The following STPG4 variants were observed in gnomAD, a reference collection of about 807,000 sequenced individuals.
STPG4 encodes the protein protein STPG4.
In STPG4, 41 loss-of-function variants were observed where a neutral mutation model predicts 31.5. The observed-to-expected ratio is 1.30, with a 90% CI of 1.01 to 1.69. The LOEUF (loss-of-function observed/expected upper bound fraction) is 1.69, where lower values mean the gene tolerates loss of function less well. STPG4 is among the 40% of genes most tolerant of loss of function. STPG4 has a pLI of 0.00. For missense variants in STPG4, 375 were observed against 293.4 expected (o/e 1.28, Z -2.03); for synonymous variants, 141 against 103.0 (o/e 1.37, Z -2.24).
chr2:47,095,286 C>T (rs2103730640), intron 5 of STPG4, among the ~76,000 whole-genome samples: 1 of 152,312 alleles, frequency 6.6e-6, no homozygotes, highest in South Asian at 2.1e-4. Context: ...CCTCGTCCAA[C>T]ATGGCTGGTG....
intron 3 of STPG4, among the ~76,000 whole-genome samples, chr2:47,138,358 C>T (rs1686639051): frequency 6.6e-6 from 1 of 150,380 alleles, no homozygotes; most frequent in African/African-American, 2.4e-5. Flanking sequence ...TGAGAGCAGA[C>T]ATTGTATAAT....
At chr2:47,140,491 G>A (rs1443843562) in intron 3 of STPG4, among the ~76,000 whole-genome samples, 1 of 152,118 alleles carries the variant, frequency 6.6e-6, no homozygotes. Context: ...CAATTCTTCA[G>A]TTGTAGTTCA....
chr2:47,115,617 G>A (rs1213610239), intron 5 of STPG4, among the ~76,000 whole-genome samples: 4 of 142,672 alleles, frequency 2.8e-5, no homozygotes, highest in Non-Finnish European at 6.1e-5. Flanking sequence ...CCATCCTTCT[G>A]TCTGTTTATC....
At chr2:47,102,099 TCTG>T (rs994324352) in intron 5 of STPG4, among the ~76,000 whole-genome samples, 3 of 151,832 alleles carry the variant, frequency 2.0e-5, no homozygotes, top group African/African-American at 4.9e-5. Context: ...AACTAGTGTT[TCTG>T]CTGCTGCGTC....
chr2:47,098,932 G>A (rs769091588), intron 5 of STPG4, among the ~76,000 whole-genome samples: 6 of 152,138 alleles, frequency 3.9e-5, no homozygotes, highest in Admixed American at 1.3e-4. Context: ...CAAGACAAGG[G>A]GGTCATATAC....
At chr2:47,117,112 C>T (rs1243010577) in intron 5 of STPG4, among the ~76,000 whole-genome samples, 1 of 152,192 alleles carries the variant, frequency 6.6e-6, no homozygotes, top group Non-Finnish European at 1.5e-5. Context: ...CTTCTCCTTC[C>T]TCTACCTAGG....
At chr2:47,121,847 CGTGTGTGT>C (rs10538224) in intron 5 of STPG4, among the ~76,000 whole-genome samples, 6,469 of 144,238 alleles carry the variant, frequency 0.045, 146 homozygotes, top group Middle Eastern at 0.069. Context: ...GCCCTCTCCT[CGTGTGTGT>C]GTGTGTGTGT....
intron 3 of STPG4, 127 bp from the exon 4 acceptor site, chr2:47,130,387 T>C (rs112949121): frequency 4.1e-6 from 3 of 732,472 alleles, no homozygotes; most frequent in Admixed American, 3.0e-5. Context: ...ACTTTAATAG[T>C]GGAAAAGGAA....
intron 3 of STPG4, among the ~76,000 whole-genome samples, chr2:47,133,891 T>C (rs991013707): frequency 2.6e-5 from 4 of 152,052 alleles, no homozygotes; most frequent in Non-Finnish European, 5.9e-5. Context: ...ACTCAAATCT[T>C]ATGAGAGCTT....
At chr2:47,088,524 G>A (rs920087739) in intron 6 of STPG4, among the ~76,000 whole-genome samples, 1 of 152,164 alleles carries the variant, frequency 6.6e-6, no homozygotes, top group Admixed American at 6.5e-5. Flanking sequence ...CCCATCAAAC[G>A]GGGCAGAGTA....
rs954021465 is a variant in STPG4 at position 47,090,305 on chromosome 2, G to A, written c.589C>T (p.Gln197Ter). 5.2e-6 allele frequency: 8 copies of A among 1,551,708 alleles called. No individual in the cohort carries two copies. In the African/African-American group the frequency reaches 1.1e-4, roughly 21 times the overall value. Residue 197 changes from glutamine to a stop codon, truncating the protein, a stop_gained, in exon 6 of 7, where the codon CAA (glutamine) becomes TAA (stop). Transcript: ENST00000445927. LOFTEE classifies it high-confidence loss of function. Reference protein sequence around the residue: ...PPTSSVTSCFQSRVPRFLPSC... With the variant: ...PPTSSVTSCF ...GGCAAGAATCGAGGGACTCTGGATT[G>A]AAAACAAGAAGTGACAGAGCTTGTT...
chr2:47,094,159 G>A (rs1180209560), intron 5 of STPG4, among the ~76,000 whole-genome samples: 1 of 152,156 alleles, frequency 6.6e-6, no homozygotes, highest in Non-Finnish European at 1.5e-5. Flanking sequence ...GGGAGGCCTC[G>A]GATTCACCAA....
intron 5 of STPG4, chr2:47,120,869 G>T (rs1343187345): frequency 1.3e-5 from 2 of 152,048 alleles, no homozygotes; most frequent in African/African-American, 4.8e-5. Flanking sequence ...CCTAAGAGGG[G>T]GTTCCTGTTC....
intron 3 of STPG4, among the ~76,000 whole-genome samples, chr2:47,132,961 A>G (rs1338655377): frequency 6.6e-6 from 1 of 152,114 alleles, no homozygotes; most frequent in African/African-American, 2.4e-5. Context: ...TGTAACATCT[A>G]TATTTGTCCT....
intron 5 of STPG4, among the ~76,000 whole-genome samples, chr2:47,120,341 AC>A (rs1382405667): frequency 6.6e-6 from 1 of 152,102 alleles, no homozygotes; most frequent in Non-Finnish European, 1.5e-5. Context: ...AAAAACAAAA[AC>A]AAAAAACAAA....
intron 6 of STPG4, among the ~76,000 whole-genome samples, chr2:47,088,893 G>T (rs983351237): frequency 1.3e-5 from 2 of 152,186 alleles, no homozygotes; most frequent in African/African-American, 2.4e-5. Flanking sequence ...AGTCCTGGGA[G>T]GCCAGGGCAG....
Position 47,129,828 on chromosome 2 carries a change from TA to T in STPG4, c.519+112del. 29 of 1,333,344 alleles carry T rather than the reference TA, an allele frequency of 2.2e-5. No individual in the cohort carries two copies. In the South Asian group the frequency reaches 2.4e-4, roughly 11 times the overall value. 82.6% of individuals were successfully genotyped at this position (1,333,344 alleles called of 1,614,324 possible). On this transcript the variant is annotated intron_variant, in intron 5 of 6. Transcript: ENST00000445927. ...ATTGTGTGGATAATGGTGTTCCTGC[TA>T]GGGGGAACGATCACTGGAGGGTTCT...
intron 5 of STPG4, among the ~76,000 whole-genome samples, chr2:47,117,528 G>A (rs992367283): frequency 3.2e-4 from 48 of 152,304 alleles, no homozygotes; most frequent in African/African-American, 1.1e-3. Flanking sequence ...ATGTTAAATT[G>A]AGTCATCAGT....
At position 47,093,694 on chromosome 2, in the gene STPG4, T is replaced by C. The variant is rs1272627489; in HGVS notation, c.520-3320A>G. Among the ~76,000 whole-genome samples the C allele has an allele frequency of 2.0e-5, 3 of 152,216 alleles. 1 individual carries two copies. Among genetic ancestry groups the C allele is most frequent in the Admixed American group, 1.3e-4 (2 of 15,282 alleles). ...ATGCATGGCCATCCCATCCAGCAGT[T>C]TCCTTGCATGGACTTGGTCATCTGA... On this transcript the variant is annotated intron_variant, in intron 5 of 6. Coordinates refer to ENST00000445927, the MANE Select transcript of STPG4 (RefSeq NM_001163561.2).
Sources: gnomAD v4.1 joint callset for allele counts (sites outside exome capture counted in the v4.1 genomes callset) on GRCh38, gnomAD v4.1.1 for gene constraint, MANE v1.5 for transcripts, NCBI Gene and HGNC (gene_info 2026-07-23, HGNC 2026-07-21) for gene names.